Variants in XPOT observed in about 807,000 individuals in gnomAD.
The protein encoded by XPOT is exportin-T.
XPOT carries 34 observed loss-of-function variants against 128.2 expected under a neutral mutation model. The ratio of observed to expected loss-of-function variants is 0.27; its 90% CI spans 0.20 to 0.35. XPOT has a LOEUF of 0.35. Ranked by LOEUF, XPOT falls within the 10% of genes least tolerant of loss-of-function variation. XPOT has a pLI of 1.00. For missense variants in XPOT, 838 were observed against 1,125.3 expected, an observed-to-expected ratio of 0.74 and a Z score of 3.65; for synonymous variants, 348 against 394.3, an observed-to-expected ratio of 0.88 and a Z score of 1.39.
In XPOT at chr12:64,419,362, G is replaced by C. The variant is rs552822305; in HGVS notation, c.489+268G>C. 8.3e-4 allele frequency among the ~76,000 whole-genome samples: 126 copies of C among 152,094 alleles called. 1 individual carries two copies. Among genetic ancestry groups the C allele is most frequent in the Admixed American group, 2.2e-3 (34 of 15,290 alleles). On this transcript the variant is annotated intron_variant, in intron 6 of 24. Transcript: ENST00000332707. ...AGACGGAGTCTTGCTCTGTTCCCCAGGCTGGAGTGCAGTGGCACAGTCTTG... is the reference window on the plus strand; with the variant it reads ...AGACGGAGTCTTGCTCTGTTCCCCACGCTGGAGTGCAGTGGCACAGTCTTG...
rs141415143 is a variant in XPOT, at chr12:64,427,254, G to A, written c.1668-797G>A. Among the ~76,000 whole-genome samples, 7 of 151,602 alleles carry A rather than the reference G, an allele frequency of 4.6e-5. No homozygotes were observed. In the East Asian group the frequency reaches 1.4e-3, roughly 30 times the overall value. ...CCTGCCTCAGCCTACTGAGTAGCCA[G>A]GATTACAGGTGTCCATCGCCACACC... On this transcript the variant is annotated intron_variant, in intron 15 of 24. Coordinates refer to ENST00000332707, the MANE Select transcript of XPOT (RefSeq NM_007235.6).
In XPOT at chr12:64,451,054, ATGTGT is replaced by A. The variant is rs2040408985; in HGVS notation, c.*2927_*2931del. The A allele has an allele frequency of 6.6e-6, 1 of 152,218 alleles. No homozygotes were observed. Among genetic ancestry groups the A allele is most frequent in the African/African-American group, 2.4e-5 (1 of 41,442 alleles). The allele number at this position is 152,218 out of a possible 1,614,324, so 9.4% of individuals were successfully genotyped here. A position where few individuals can be genotyped will look rare whatever the true frequency, so the allele number is the denominator to read the frequency against. ...AGTTGGAATTGTAAGCAGTGAATAG[ATGTGT>A]TGTTAGAATGATTCCATCACTTATA... is the stretch of plus-strand genomic sequence containing the variant. On this transcript the variant is annotated 3_prime_UTR_variant, in exon 25 of 25. Coordinates refer to ENST00000332707, the MANE Select transcript of XPOT (RefSeq NM_007235.6).
Position 64,450,021 on chromosome 12 carries a change from A to T in XPOT, c.*1890A>T, listed in dbSNP as rs528793628. ...AATGGAAATAATGGTAGCTACCTCA[A>T]ACCTCATTACGAATTCAATGAGTTA... is the stretch of plus-strand genomic sequence containing the variant. On this transcript the variant is annotated 3_prime_UTR_variant, in exon 25 of 25. Coordinates refer to ENST00000332707, the MANE Select transcript of XPOT (RefSeq NM_007235.6). The T allele has an allele frequency of 1.4e-4, 21 of 152,360 alleles. No individual in the cohort carries two copies. Among genetic ancestry groups the T allele is most frequent in the African/African-American group, 4.6e-4 (19 of 41,586 alleles). 9.4% of individuals were successfully genotyped at this position (152,360 alleles called of 1,614,324 possible).
intron 5 of XPOT, 131 bp from the exon 6 acceptor site, chr12:64,418,745 G>C (rs1565796568): frequency 7.4e-6 from 5 of 678,294 alleles, no homozygotes; most frequent in Non-Finnish European, 1.3e-5. Context: ...TAATTTTGAA[G>C]AGTATTTGTT....
intron 23 of XPOT, among the ~76,000 whole-genome samples, chr12:64,442,011 G>C (rs1371710770): frequency 3.3e-5 from 5 of 151,962 alleles, no homozygotes; most frequent in Non-Finnish European, 7.4e-5. Flanking sequence ...TGATGGAACA[G>C]GGATATTCAT....
In XPOT at chr12:64,425,334, C is replaced by A; in HGVS notation, c.1453-4C>A. The A allele has an allele frequency of 6.2e-7, 1 of 1,612,228 alleles. No individual in the cohort carries two copies. Among genetic ancestry groups the A allele is most frequent in the Non-Finnish European group, 8.5e-7 (1 of 1,179,558 alleles). On this transcript the variant is annotated splice_region_variant and splice_polypyrimidine_tract_variant and intron_variant, in intron 13 of 24. Transcript: ENST00000332707. ...AGAGGTTTCCTAACTTTTTCCTGAT[C>A]TAGCTGGTAACATCAGGAGTCAGTT...
At position 64,418,079 on chromosome 12, in the gene XPOT, A is replaced by G. The variant is rs1338447453; in HGVS notation, c.234A>G (p.Leu78=). 2 of 1,613,438 alleles carry G rather than the reference A, an allele frequency of 1.2e-6. No individual in the cohort carries two copies. The highest frequency in any genetic ancestry group is 1.7e-6 in the Non-Finnish European group (2 of 1,179,744). Residue 78 remains leucine, a synonymous_variant, in exon 5 of 25, where the codon CTA becomes CTG. Transcript: ENST00000332707. ...YSELTTVQQQ[L]IRETLISWLQ... Reference sequence around the variant, plus strand: ...AACTAACCACTGTTCAACAACAGCTAATTAGGGAGACGCTCATATCATGGC... The same window carrying G: ...AACTAACCACTGTTCAACAACAGCTGATTAGGGAGACGCTCATATCATGGC...
chr12:64,433,930 T>G (rs1045057633), intron 19 of XPOT, among the ~76,000 whole-genome samples: 1 of 152,208 alleles, frequency 6.6e-6, no homozygotes, highest in South Asian at 2.1e-4. Flanking sequence ...TAAATGGAGC[T>G]GTACAGATTT....
chr12:64,424,900 A>G (rs1051942277), intron 12 of XPOT, 138 bp from the exon 13 acceptor site: 3 of 1,321,890 alleles, frequency 2.3e-6, no homozygotes, highest in Non-Finnish European at 3.1e-6. Flanking sequence ...TACCTTTGTG[A>G]TGTATTGCCT....
intron 9 of XPOT, among the ~76,000 whole-genome samples, chr12:64,421,873 C>T (rs762672479): frequency 2.0e-5 from 3 of 152,054 alleles, no homozygotes; most frequent in Non-Finnish European, 4.4e-5. Flanking sequence ...AGTGCAATGG[C>T]GTGATGTCAG....
At chr12:64,437,768 A>C (rs2040294505) in intron 22 of XPOT, among the ~76,000 whole-genome samples, 2 of 152,228 alleles carry the variant, frequency 1.3e-5, no homozygotes, top group Non-Finnish European at 2.9e-5. Flanking sequence ...AGACTTTCTA[A>C]GACCAGAACA....
intron 22 of XPOT, 68 bp from the exon 23 acceptor site, chr12:64,439,176 G>A (rs1400874511): frequency 6.2e-6 from 9 of 1,445,384 alleles, no homozygotes; most frequent in African/African-American, 1.4e-5. Flanking sequence ...TACATGTATT[G>A]TTCCGATTCT....
Position 64,441,954 on chromosome 12 carries a change from C to T in XPOT, c.2805+2639C>T, listed in dbSNP as rs190716823. On this transcript the variant is annotated intron_variant, in intron 23 of 24. Transcript: ENST00000332707. ...TTGGCCTCCTAAAGTCCCAGGATTA[C>T]GGGCGTGAGCCACCTTGCCTGGCCA... Among the ~76,000 whole-genome samples, 293 of 152,128 alleles carry T rather than the reference C, an allele frequency of 1.9e-3. 2 individuals are homozygous for T. The highest frequency in any genetic ancestry group is 6.4e-3 in the African/African-American group (266 of 41,488).
At chr12:64,421,554 T>G (rs925953381) in intron 9 of XPOT, 83 bp downstream of exon 9, 3 of 905,382 alleles carry the variant, frequency 3.3e-6, no homozygotes, top group Non-Finnish European at 5.2e-6. Flanking sequence ...AAATTAAAAA[T>G]GAGAAAATAC....
chr12:64,451,088 T>A lies in XPOT; in HGVS notation c.*2957T>A, dbSNP rs1356730131. 1 of 152,236 alleles carries A rather than the reference T, an allele frequency of 6.6e-6. No homozygotes were observed. The highest frequency in any genetic ancestry group is 1.5e-5 in the Non-Finnish European group (1 of 68,040). 9.4% of individuals were successfully genotyped at this position (152,236 alleles called of 1,614,324 possible). A position where few individuals can be genotyped will look rare whatever the true frequency, so the allele number is the denominator to read the frequency against. On this transcript the variant is annotated 3_prime_UTR_variant, in exon 25 of 25. Coordinates refer to ENST00000332707, the MANE Select transcript of XPOT (RefSeq NM_007235.6). ...TAGAATGATTCCATCACTTATACATTGTTTAAAATGCTAATAAAGTAACTT... is the reference window on the plus strand; with the variant it reads ...TAGAATGATTCCATCACTTATACATAGTTTAAAATGCTAATAAAGTAACTT...
chr12:64,442,042 ACT>A (rs995767755), intron 23 of XPOT, among the ~76,000 whole-genome samples: 43 of 150,390 alleles, frequency 2.9e-4, no homozygotes, highest in African/African-American at 1.0e-3. Flanking sequence ...AGTTTTATAT[ACT>A]CTTTCCCCTG....
In XPOT at chr12:64,404,657, C is replaced by G. The variant is rs918455235; in HGVS notation, c.-222C>G. ...GGCGCGCGGTCCCGGCCAGCACCGT[C>G]TCTGGCGTTGTAGCTGCGGCCGTGG... On this transcript the variant is annotated 5_prime_UTR_variant, in exon 1 of 25. Transcript: ENST00000332707. 4 of 152,462 alleles carry G rather than the reference C, an allele frequency of 2.6e-5. No individual in the cohort carries two copies. Among genetic ancestry groups the G allele is most frequent in the African/African-American group, 9.6e-5 (4 of 41,460 alleles). 9.4% of individuals were successfully genotyped at this position (152,462 alleles called of 1,614,324 possible).
chr12:64,447,500 C>T (rs1450837852), intron 24 of XPOT, among the ~76,000 whole-genome samples: 2 of 150,414 alleles, frequency 1.3e-5, no homozygotes, highest in Non-Finnish European at 3.0e-5. Context: ...TTTTTTGAGA[C>T]GGAGTTTCAC....
rs2040306315 is a variant in XPOT, at chr12:64,439,247, C to G, written c.2737C>G (p.Pro913Ala). 2 of 1,613,752 alleles carry G rather than the reference C, an allele frequency of 1.2e-6. No homozygotes were observed. Residue 913 changes from proline (P) to alanine (A), a missense_variant, in exon 23 of 25, where the codon CCA becomes GCA. This residue lies in a region of XPOT where 56 missense variants were observed against 79.2 expected (regional missense o/e 0.71). Transcript: ENST00000332707. ...GTAAGTATCTTTTAATCTTCAGGGC[C>G]CAGAATGTGTTCAGTATCTTCAACA... is the stretch of plus-strand genomic sequence containing the variant. ...TLKTIHLKRG[P>A]ECVQYLQQEY...
Sources: allele counts gnomAD v4.1 joint callset (sites outside exome capture counted in the v4.1 genomes callset), GRCh38; gene constraint gnomAD v4.1.1; regional missense constraint gnomAD v4.1.1; transcripts MANE v1.5; gene names NCBI Gene and HGNC (gene_info 2026-07-23, HGNC 2026-07-21).